NKAIN2: variants seen among roughly 807,000 people sequenced by gnomAD.
The protein encoded by NKAIN2 is sodium/potassium transporting ATPase interacting 2.
A neutral mutation model predicts 32.6 loss-of-function variants in NKAIN2; 14 were observed. That is an observed-to-expected ratio of 0.43 (90% confidence interval 0.28 to 0.67). The LOEUF (loss-of-function observed/expected upper bound fraction) is 0.67. Among genes scored for constraint, NKAIN2 ranks in the 30% least tolerant of loss-of-function variants. The pLI, the probability that NKAIN2 is intolerant of heterozygous loss-of-function variation, is 0.17. For missense variants in NKAIN2, 198 were observed against 258.3 expected (o/e 0.77, Z 1.60); for synonymous variants, 80 against 87.2 (o/e 0.92, Z 0.46).
At chr6:124,705,991 T>C (rs559450471) in intron 4 of NKAIN2, among the ~76,000 whole-genome samples, 5 of 152,118 alleles carry the variant, frequency 3.3e-5, no homozygotes, top group African/African-American at 7.2e-5. Flanking sequence ...TTTTGAGAGA[T>C]TGATAATGAT....
At chr6:124,141,219 T>G (rs1787122544) in intron 1 of NKAIN2, among the ~76,000 whole-genome samples, 1 of 152,158 alleles carries the variant, frequency 6.6e-6, no homozygotes, top group African/African-American at 2.4e-5. Flanking sequence ...TTTAGTTTCC[T>G]GGGAGCAATG....
chr6:124,238,535 C>T (rs1356309442), intron 1 of NKAIN2, among the ~76,000 whole-genome samples: 1 of 151,902 alleles, frequency 6.6e-6, no homozygotes, highest in Non-Finnish European at 1.5e-5. Context: ...TAAAATATAG[C>T]TTGGAAAACA....
intron 4 of NKAIN2, among the ~76,000 whole-genome samples, chr6:124,662,451 A>C (rs554335951): frequency 1.1e-3 from 164 of 152,298 alleles, no homozygotes; most frequent in African/African-American, 3.9e-3. Flanking sequence ...AAATAGTTTA[A>C]AGTCAAGTTC....
intron 4 of NKAIN2, among the ~76,000 whole-genome samples, chr6:124,761,732 T>C (rs1356862751): frequency 6.6e-6 from 1 of 152,210 alleles, no homozygotes; most frequent in Non-Finnish European, 1.5e-5. Context: ...AACTTGCATG[T>C]TGCAACATTT....
At chr6:124,488,533 CCTTATCATTTAA>C (rs1458371016) in intron 3 of NKAIN2, among the ~76,000 whole-genome samples, 1 of 151,990 alleles carries the variant, frequency 6.6e-6, no homozygotes, top group Non-Finnish European at 1.5e-5. Context: ...AAATCCCTTG[CCTTATCATTTAA>C]CTTATCATTT....
At chr6:123,854,737 A>G (rs910668346) in intron 1 of NKAIN2, among the ~76,000 whole-genome samples, 1 of 152,178 alleles carries the variant, frequency 6.6e-6, no homozygotes, top group Admixed American at 6.5e-5. Flanking sequence ...AGGCCCAAGC[A>G]GGAAGGTGAA....
chr6:124,159,780 C>T (rs1309805850), intron 1 of NKAIN2, among the ~76,000 whole-genome samples: 1 of 152,040 alleles, frequency 6.6e-6, no homozygotes, highest in Non-Finnish European at 1.5e-5. Flanking sequence ...CTTTTGCATG[C>T]CAAATGCCAG....
chr6:124,143,694 C>A (rs905036866), intron 1 of NKAIN2, among the ~76,000 whole-genome samples: 2 of 151,714 alleles, frequency 1.3e-5, no homozygotes, highest in African/African-American at 4.8e-5. Context: ...CAGAACAAGA[C>A]AACATAATGT....
intron 1 of NKAIN2, among the ~76,000 whole-genome samples, chr6:124,129,294 A>T (rs1489246604): frequency 1.3e-5 from 2 of 152,200 alleles, no homozygotes; most frequent in Non-Finnish European, 2.9e-5. Context: ...AAGCAAGAAA[A>T]AAAGGAAAAT....
intron 3 of NKAIN2, among the ~76,000 whole-genome samples, chr6:124,374,022 T>C (rs1310106488): frequency 1.3e-5 from 2 of 152,098 alleles, no homozygotes; most frequent in Non-Finnish European, 2.9e-5. Flanking sequence ...TGTATGCTGA[T>C]GGAAGCAACA....
chr6:124,019,439 T>C (rs1352056181), intron 1 of NKAIN2, among the ~76,000 whole-genome samples: 1 of 152,172 alleles, frequency 6.6e-6, no homozygotes, highest in African/African-American at 2.4e-5. Context: ...TGTTTTGGCA[T>C]GTGAATCATA....
At chr6:124,244,025 C>G (rs1793253982) in intron 1 of NKAIN2, among the ~76,000 whole-genome samples, 1 of 151,856 alleles carries the variant, frequency 6.6e-6, no homozygotes, top group South Asian at 2.1e-4. Context: ...GAAAAATCAA[C>G]TACCTAGCCA....
chr6:123,863,675 A>G (rs1775875780), intron 1 of NKAIN2, among the ~76,000 whole-genome samples: 2 of 152,176 alleles, frequency 1.3e-5, no homozygotes, highest in African/African-American at 4.8e-5. Context: ...GGTGCCTTCC[A>G]TACTAAAGTT....
intron 3 of NKAIN2, among the ~76,000 whole-genome samples, chr6:124,423,301 G>A (rs765806131): frequency 1.3e-5 from 2 of 152,160 alleles, no homozygotes; most frequent in African/African-American, 2.4e-5. Context: ...AGAAAAGCAA[G>A]GGCTTTGGAG....
chr6:124,217,274 T>C (rs1028253398), intron 1 of NKAIN2, among the ~76,000 whole-genome samples: 1 of 152,152 alleles, frequency 6.6e-6, no homozygotes, highest in African/African-American at 2.4e-5. Flanking sequence ...TAAATTGTGA[T>C]ATTACATGTG....
intron 3 of NKAIN2, among the ~76,000 whole-genome samples, chr6:124,527,315 T>C (rs1289529886): frequency 1.3e-5 from 2 of 152,178 alleles, no homozygotes; most frequent in Admixed American, 6.5e-5. Context: ...AAATATTATT[T>C]CACCCCCTGC....
chr6:124,350,030 A>G (rs1310408863), intron 2 of NKAIN2, among the ~76,000 whole-genome samples: 2 of 152,244 alleles, frequency 1.3e-5, no homozygotes, highest in Non-Finnish European at 2.9e-5. Context: ...AACATAAAAT[A>G]TAAGATTTTC....
intron 1 of NKAIN2, among the ~76,000 whole-genome samples, chr6:123,891,805 T>C (rs570318212): frequency 1.4e-4 from 21 of 152,370 alleles, no homozygotes; most frequent in African/African-American, 5.0e-4. Flanking sequence ...GCCAAATTTC[T>C]ATTTCTTGCT....
intron 1 of NKAIN2, among the ~76,000 whole-genome samples, chr6:124,142,526 T>C (rs1787197274): frequency 1.3e-5 from 2 of 152,204 alleles, no homozygotes; most frequent in African/African-American, 4.8e-5. Context: ...CTGAATGCAG[T>C]GTATTTATTG....
Sources: gnomAD v4.1 joint callset for allele counts (sites outside exome capture counted in the v4.1 genomes callset) on GRCh38, gnomAD v4.1.1 for gene constraint, MANE v1.5 for transcripts, NCBI Gene and HGNC (gene_info 2026-07-23, HGNC 2026-07-21) for gene names.